The following ECE1 variants were observed in gnomAD, a reference collection of about 807,000 sequenced individuals.
ECE1 encodes endothelin converting enzyme 1, also known as endothelin-converting enzyme 1.
In ECE1, 35 loss-of-function variants were observed where a neutral mutation model predicts 98.6. The observed-to-expected ratio is 0.35, with a 90% CI of 0.27 to 0.47. ECE1 has a LOEUF of 0.47. Among genes scored for constraint, ECE1 ranks in the 20% least tolerant of loss-of-function variants. The pLI, the probability that ECE1 is intolerant of heterozygous loss-of-function variation, is 1.00. For synonymous variants in ECE1, 394 were observed against 407.1 expected (o/e 0.97, Z 0.39); for missense variants, 814 against 1,025.3 (o/e 0.79, Z 2.81).
At chr1:21,276,508 T>C (rs2103331903) in intron 3 of ECE1, among the ~76,000 whole-genome samples, 1 of 152,270 alleles carries the variant, frequency 6.6e-6, no homozygotes, top group East Asian at 1.9e-4. Context: ...CTCAAAACTG[T>C]GTAGAATGCT....
chr1:21,244,983 G>A lies in ECE1; in HGVS notation c.1278+6C>T, dbSNP rs2098201326. ...CATATTCAGGCATACGCAGTAGCAG[G>A]CTCACCTTCTTGGTCCCGTACATGA... On this transcript the variant is annotated splice_donor_region_variant and intron_variant, in intron 10 of 18. Coordinates refer to ENST00000374893, the MANE Select transcript of ECE1 (RefSeq NM_001397.3). 2.5e-6 allele frequency: 4 copies of A among 1,612,696 alleles called. No individual in the cohort carries two copies. The highest frequency in any genetic ancestry group is 3.4e-6 in the Non-Finnish European group (4 of 1,178,698).
At chr1:21,318,830 C>T (rs1375800666) in intron 1 of ECE1, among the ~76,000 whole-genome samples, 2 of 152,148 alleles carry the variant, frequency 1.3e-5, no homozygotes, top group African/African-American at 4.8e-5. Context: ...GCAAGAGCTA[C>T]AGCTCCCCAG....
chr1:21,257,792 C>G (rs549869774), intron 6 of ECE1, among the ~76,000 whole-genome samples: 81 of 152,158 alleles, frequency 5.3e-4, no homozygotes, highest in African/African-American at 1.8e-3. Flanking sequence ...GTGGCCCCCC[C>G]CCGCAGGGCT....
At chr1:21,277,369 C>T (rs1289074564) in intron 3 of ECE1, among the ~76,000 whole-genome samples, 1 of 152,216 alleles carries the variant, frequency 6.6e-6, no homozygotes, top group African/African-American at 2.4e-5. Context: ...CTTTGGAGCT[C>T]CGAGGGGCAG....
chr1:21,322,800 G>T lies in ECE1; in HGVS notation c.3+22576C>A, dbSNP rs1046804266. On this transcript the variant is annotated intron_variant, in intron 1 of 18. Coordinates refer to the ECE1 transcript ENST00000415912. The surrounding 1 kb of genome is among the most constrained non-coding windows in gnomAD (Gnocchi z 4.1). Reference sequence around the variant, plus strand: ...TCTGCTGAGAGAAAGAAACGGGGAGGCCGGGAAGGGAAGTGGGCATGGCCC... The same window carrying T: ...TCTGCTGAGAGAAAGAAACGGGGAGTCCGGGAAGGGAAGTGGGCATGGCCC... 7.9e-5 allele frequency among the ~76,000 whole-genome samples: 12 copies of T among 152,204 alleles called. No individual in the cohort carries two copies. Among genetic ancestry groups the T allele is most frequent in the African/African-American group, 2.9e-4 (12 of 41,448 alleles).
Position 21,247,330 on chromosome 1 carries a change from G to C in ECE1, c.1054C>G (p.Leu352Val), listed in dbSNP as rs777387828. 3 of 1,614,260 alleles carry C rather than the reference G, an allele frequency of 1.9e-6. No individual in the cohort carries two copies. Among genetic ancestry groups the C allele is most frequent in the Non-Finnish European group, 2.5e-6 (3 of 1,180,048 alleles). ...LAPAINWLPFLNTIFYPVEIN... is the reference protein window; with the variant it reads ...LAPAINWLPFVNTIFYPVEIN... ...TCCACGGGGTAGAAGATGGTGTTGA[G>C]AAAAGGCAACCAGTTGATGGCGGGT... The change falls in exon 9 of 19, where the codon CTC becomes GTC. Residue 352 changes from leucine to valine, a missense_variant. This residue lies in a region of ECE1 where 452 missense variants were observed against 567.3 expected (regional missense o/e 0.80). Coordinates refer to ENST00000374893, the MANE Select transcript of ECE1 (RefSeq NM_001397.3).
At chr1:21,284,767 G>A (rs1368955212) in intron 2 of ECE1, among the ~76,000 whole-genome samples, 2 of 152,206 alleles carry the variant, frequency 1.3e-5, no homozygotes, top group African/African-American at 4.8e-5. Flanking sequence ...GTGAAGCCAG[G>A]TTTTCAGAGT....
chr1:21,320,682 G>A (rs779525791), intron 1 of ECE1, among the ~76,000 whole-genome samples: 11 of 152,352 alleles, frequency 7.2e-5, no homozygotes, highest in Middle Eastern at 6.8e-3. Flanking sequence ...GCACGTGTCT[G>A]TTCCAGAGCC....
At chr1:21,242,982 C>T (rs1212507539) in intron 10 of ECE1, among the ~76,000 whole-genome samples, 1 of 152,206 alleles carries the variant, frequency 6.6e-6, no homozygotes, top group African/African-American at 2.4e-5. Flanking sequence ...AAACTCTATA[C>T]TCATTAAACA....
intron 1 of ECE1, chr1:21,299,127 A>T (rs41265983): frequency 3.2e-6 from 1 of 311,260 alleles, no homozygotes; most frequent in Non-Finnish European, 6.5e-6. Context: ...ATATGGTATA[A>T]TGGTGATGAC....
chr1:21,234,657 T>C (rs2098185918), intron 13 of ECE1, among the ~76,000 whole-genome samples: 1 of 152,228 alleles, frequency 6.6e-6, no homozygotes, highest in East Asian at 1.9e-4. Context: ...CTTTACATTT[T>C]TTGTAGAGAT....
rs913005729 is a variant in ECE1, at chr1:21,327,733, C to A, written c.3+17643G>T. Among the ~76,000 whole-genome samples, 5 of 152,196 alleles carry A rather than the reference C, an allele frequency of 3.3e-5. No homozygotes were observed. Among genetic ancestry groups the A allele is most frequent in the African/African-American group, 9.7e-5 (4 of 41,450 alleles). Reference sequence around the variant, plus strand: ...CAGCTACACAGCTGGGGTCCCCAGCCCCCCGGGCCTCAGACCAGTACCAGT... The same window carrying A: ...CAGCTACACAGCTGGGGTCCCCAGCACCCCGGGCCTCAGACCAGTACCAGT... On this transcript the variant is annotated intron_variant, in intron 1 of 18. Transcript: ENST00000415912. The surrounding 1 kb of genome is among the most constrained non-coding windows in gnomAD (Gnocchi z 4.6).
intron 3 of ECE1, among the ~76,000 whole-genome samples, chr1:21,278,265 A>C (rs1209464611): frequency 6.6e-6 from 1 of 152,186 alleles, no homozygotes; most frequent in African/African-American, 2.4e-5. Flanking sequence ...CGCACTTCTT[A>C]AGTGTTTACT....
rs1351373810 is a variant in ECE1 at position 21,290,104 on chromosome 1, A to G, written c.104T>C (p.Leu35Pro). The G allele has an allele frequency of 1.3e-6, 2 of 1,551,254 alleles. No individual in the cohort carries two copies. Among genetic ancestry groups the G allele is most frequent in the South Asian group, 1.2e-5 (1 of 84,066 alleles). Residue 35 changes from leucine to proline, a missense_variant, in exon 2 of 19, where the codon CTC (leucine) becomes CCC (proline). This residue lies in a region of ECE1 where 257 missense variants were observed against 278.9 expected (regional missense o/e 0.92). Transcript: ENST00000374893. This position sits in a 1 kb window ranked among gnomAD's most constrained non-coding sequence, Gnocchi z 7.3. ...TLDEEDLVDSLSEGDAYPNGL... is the reference protein window; with the variant it reads ...TLDEEDLVDSPSEGDAYPNGL... ...GTTGGGGTATGCGTCGCCCTCGGAGAGCGAGTCCACCAGGTCCTCCTCGTC... is the reference window on the plus strand; with the variant it reads ...GTTGGGGTATGCGTCGCCCTCGGAGGGCGAGTCCACCAGGTCCTCCTCGTC...
intron 17 of ECE1, among the ~76,000 whole-genome samples, chr1:21,224,526 T>C (rs1031208763): frequency 1.3e-5 from 2 of 152,148 alleles, no homozygotes; most frequent in Non-Finnish European, 2.9e-5. Context: ...TAATACCTAA[T>C]TGTAAAGCTG....
At chr1:21,264,678 C>T (rs1326963523) in intron 4 of ECE1, among the ~76,000 whole-genome samples, 2 of 152,190 alleles carry the variant, frequency 1.3e-5, no homozygotes, top group Non-Finnish European at 2.9e-5. Context: ...AATACTGCCC[C>T]CAGGAATTTA....
Position 21,225,433 on chromosome 1 carries a change from C to T in ECE1, c.1857G>A (p.Glu619=), listed in dbSNP as rs2098172852. The T allele has an allele frequency of 2.5e-6, 4 of 1,614,062 alleles. No individual in the cohort carries two copies. In the East Asian group the frequency reaches 6.7e-5, roughly 27 times the overall value. Residue 619 remains glutamate, a synonymous_variant, in exon 17 of 19, where the codon GAG becomes GAA. Transcript: ENST00000374893. This position sits in a 1 kb window ranked among gnomAD's most constrained non-coding sequence, Gnocchi z 5.3. ...LTHAFDDQGR[E]YDKDGNLRPW... is the part of the protein sequence containing the mutation. ...GCCGGAGGTTCCCGTCCTTGTCATA[C>T]TCCCGTCCTGTGGGTCAGAGGGAGG...
upstream of ECE1, chr1:21,293,303 G>C (rs1352354447): frequency 2.0e-5 from 3 of 152,114 alleles, no homozygotes; most frequent in Non-Finnish European, 4.4e-5. Context: ...AGGGACCCCA[G>C]ACAGCATTTG....
At position 21,327,704 on chromosome 1, in the gene ECE1, A is replaced by G. The variant is rs186625139; in HGVS notation, c.3+17672T>C. On this transcript the variant is annotated intron_variant, in intron 1 of 18. Transcript: ENST00000415912. This position sits in a 1 kb window ranked among gnomAD's most constrained non-coding sequence, Gnocchi z 4.6. ...CCCTTCAGCTTCACCCTTCCTCTCTACTCCAGCTACACAGCTGGGGTCCCC... is the reference window on the plus strand; with the variant it reads ...CCCTTCAGCTTCACCCTTCCTCTCTGCTCCAGCTACACAGCTGGGGTCCCC... Among the ~76,000 whole-genome samples, 2 of 151,902 alleles carry G rather than the reference A, an allele frequency of 1.3e-5. No individual in the cohort carries two copies. The highest frequency in any genetic ancestry group is 4.8e-5 in the African/African-American group (2 of 41,388).
Sources: allele counts gnomAD v4.1 joint callset (sites outside exome capture counted in the v4.1 genomes callset), GRCh38; gene constraint gnomAD v4.1.1; regional missense constraint gnomAD v4.1.1; non-coding constraint Gnocchi (gnomAD v3.1); transcripts MANE v1.5; gene names NCBI Gene and HGNC (gene_info 2026-07-23, HGNC 2026-07-21).